Variants in ARK2C observed in about 807,000 individuals in gnomAD.
ARK2C encodes the protein E3 ubiquitin-protein ligase ARK2C.
the ARK2C span, chr18:46,433,549 G>T: frequency 1.8e-3 from 2,746 of 1,526,206 alleles, 6 homozygotes; most frequent in Non-Finnish European, 2.3e-3. Flanking sequence ...GATGGGGTCG[G>T]GTGAGGGGGC....
chr18:46,462,898 A>C, the ARK2C span: 2 of 152,222 alleles, frequency 1.3e-5, no homozygotes, highest in East Asian at 3.8e-4. Flanking sequence ...GATTATCCTC[A>C]GTGTTGATTG....
chr18:46,430,786 G>C, the ARK2C span, among the ~76,000 whole-genome samples: 3,531 of 152,204 alleles, frequency 0.023, 130 homozygotes, highest in African/African-American at 0.081. Context: ...TTCTTCAAGA[G>C]CTTCCTGTTG....
At chr18:46,419,530 G>A in the ARK2C span, among the ~76,000 whole-genome samples, 2 of 152,230 alleles carry the variant, frequency 1.3e-5, no homozygotes, top group Non-Finnish European at 2.9e-5. Context: ...AGGGGAGCAG[G>A]CACAATCTCG....
chr18:46,411,499 G>T, the ARK2C span, among the ~76,000 whole-genome samples: 3 of 152,186 alleles, frequency 2.0e-5, no homozygotes, highest in Non-Finnish European at 4.4e-5. Flanking sequence ...CTTTGCTATC[G>T]ATTGATTCAT....
At chr18:46,349,881 A>G in the ARK2C span, among the ~76,000 whole-genome samples, 1 of 152,170 alleles carries the variant, frequency 6.6e-6, no homozygotes, top group Non-Finnish European at 1.5e-5. Flanking sequence ...ACACATGCCC[A>G]TCCCTCTATG....
At chr18:46,337,038 C>T in the ARK2C span, 1 of 985,320 alleles carries the variant, frequency 1.0e-6, no homozygotes, top group Non-Finnish European at 1.2e-6. Flanking sequence ...TCCGCCCTGG[C>T]CCTCAGAGCT....
chr18:46,404,293 G>C, the ARK2C span, among the ~76,000 whole-genome samples: 1 of 152,148 alleles, frequency 6.6e-6, no homozygotes. Flanking sequence ...TGGATGGCTC[G>C]CTTCCTCTCT....
At chr18:46,355,975 G>T in the ARK2C span, among the ~76,000 whole-genome samples, 1 of 152,182 alleles carries the variant, frequency 6.6e-6, no homozygotes. Flanking sequence ...GAGGGATGGG[G>T]CTGCTGGGCC....
At chr18:46,338,439 T>C in the ARK2C span, among the ~76,000 whole-genome samples, 1 of 152,188 alleles carries the variant, frequency 6.6e-6, no homozygotes, top group South Asian at 2.1e-4. Flanking sequence ...GATTATAGCC[T>C]AGTTTCCTGA....
the ARK2C span, among the ~76,000 whole-genome samples, chr18:46,424,709 A>G: frequency 6.6e-6 from 1 of 152,228 alleles, no homozygotes; most frequent in Non-Finnish European, 1.5e-5. Context: ...TGGGATCAGC[A>G]GCATCACTGC....
At chr18:46,363,897 C>T in the ARK2C span, among the ~76,000 whole-genome samples, 3,194 of 151,834 alleles carry the variant, frequency 0.021, 114 homozygotes, top group African/African-American at 0.073. Context: ...GACTCTGCTT[C>T]CTGACCTTGC....
the ARK2C span, among the ~76,000 whole-genome samples, chr18:46,400,638 C>T: frequency 6.6e-6 from 1 of 152,180 alleles, no homozygotes; most frequent in Non-Finnish European, 1.5e-5. Flanking sequence ...AGGTCTCCAT[C>T]TGTTCAGGAA....
At chr18:46,350,146 C>G in the ARK2C span, among the ~76,000 whole-genome samples, 1 of 152,226 alleles carries the variant, frequency 6.6e-6, no homozygotes, top group Non-Finnish European at 1.5e-5. Context: ...CTGCCTTCCC[C>G]TTCTTTTCTC....
At chr18:46,409,358 G>C in the ARK2C span, among the ~76,000 whole-genome samples, 1 of 152,174 alleles carries the variant, frequency 6.6e-6, no homozygotes, top group South Asian at 2.1e-4. Context: ...AAGAGGGAAG[G>C]AATGAGCTCA....
the ARK2C span, among the ~76,000 whole-genome samples, chr18:46,344,588 A>G: frequency 6.6e-6 from 1 of 152,150 alleles, no homozygotes; most frequent in Non-Finnish European, 1.5e-5. Flanking sequence ...GCCCTTCCCC[A>G]GGGGACCTTG....
the ARK2C span, among the ~76,000 whole-genome samples, chr18:46,444,901 C>A: frequency 6.6e-6 from 1 of 152,096 alleles, no homozygotes; most frequent in Non-Finnish European, 1.5e-5. Flanking sequence ...TCTAGAAGTT[C>A]CATTGGCATC....
the ARK2C span, among the ~76,000 whole-genome samples, chr18:46,431,139 C>T: frequency 1.1e-4 from 17 of 152,242 alleles, no homozygotes; most frequent in South Asian, 1.0e-3. Flanking sequence ...TGAGAGCATG[C>T]GGTGTTTGGT....
At chr18:46,360,502 G>A in the ARK2C span, among the ~76,000 whole-genome samples, 1 of 152,248 alleles carries the variant, frequency 6.6e-6, no homozygotes, top group Non-Finnish European at 1.5e-5. Flanking sequence ...AGACCCTGGA[G>A]GCCCAGGTTG....
the ARK2C span, among the ~76,000 whole-genome samples, chr18:46,387,619 A>G: frequency 6.6e-6 from 1 of 152,274 alleles, no homozygotes; most frequent in South Asian, 2.1e-4. Context: ...CCCCACTTGG[A>G]AGAAGTCCAG....
Sources: gnomAD v4.1 joint callset for allele counts (sites outside exome capture counted in the v4.1 genomes callset) on GRCh38, gnomAD v4.1.1 for gene constraint, MANE v1.5 for transcripts, NCBI Gene and HGNC (gene_info 2026-07-23, HGNC 2026-07-21) for gene names.